The following DPP6 variants were observed in gnomAD, a reference collection of about 807,000 sequenced individuals.
DPP6 encodes the protein dipeptidyl peptidase like 6.
Under a neutral mutation model 122.6 loss-of-function variants are expected in DPP6, and 69 were observed. The ratio of observed to expected loss-of-function variants is 0.56; its 90% CI spans 0.46 to 0.69. The LOEUF (loss-of-function observed/expected upper bound fraction) is 0.69, where lower values mean the gene tolerates loss of function less well. DPP6 is among the 30% of genes least tolerant of loss of function. The pLI is 0.00. For missense variants in DPP6, 928 were observed against 1,116.9 expected, an observed-to-expected ratio of 0.83 and a Z score of 2.41; for synonymous variants, 418 against 433.1, an observed-to-expected ratio of 0.97 and a Z score of 0.43.
chr7:154,805,901 G>A (rs1195488444), intron 15 of DPP6, among the ~76,000 whole-genome samples: 2 of 152,230 alleles, frequency 1.3e-5, no homozygotes, highest in Non-Finnish European at 2.9e-5. Flanking sequence ...CCGCTGAAGA[G>A]GATGTTGTTC....
intron 5 of DPP6, among the ~76,000 whole-genome samples, chr7:154,637,474 T>A (rs1482455648): frequency 6.6e-6 from 1 of 152,166 alleles, no homozygotes; most frequent in Non-Finnish European, 1.5e-5. Flanking sequence ...ACCCGTTGGG[T>A]CTAGCTGACG....
chr7:153,817,519 A>G, the DPP6 span, among the ~76,000 whole-genome samples: 2 of 151,724 alleles, frequency 1.3e-5, no homozygotes, highest in African/African-American at 2.4e-5. Flanking sequence ...CACACAGAAA[A>G]GATAAAAGTC....
At chr7:154,787,724 C>T (rs776257568) in intron 10 of DPP6, among the ~76,000 whole-genome samples, 4 of 152,112 alleles carry the variant, frequency 2.6e-5, no homozygotes, top group South Asian at 2.1e-4. Flanking sequence ...AAAAAATGTA[C>T]AAATGAATAA....
intron 16 of DPP6, among the ~76,000 whole-genome samples, chr7:154,807,990 A>G (rs1004507169): frequency 5.9e-5 from 9 of 152,192 alleles, no homozygotes; most frequent in African/African-American, 2.2e-4. Flanking sequence ...TACAAAGGAT[A>G]TTTTTGCTGC....
At chr7:154,055,134 G>A (rs953056532) in intron 1 of DPP6, among the ~76,000 whole-genome samples, 1 of 146,314 alleles carries the variant, frequency 6.8e-6, no homozygotes, top group Non-Finnish European at 1.5e-5. Context: ...GTGTGGGTGG[G>A]CGTGTATTGT....
chr7:154,654,707 C>T (rs1000006423), intron 6 of DPP6, among the ~76,000 whole-genome samples: 46 of 152,058 alleles, frequency 3.0e-4, no homozygotes, highest in African/African-American at 9.9e-4. Flanking sequence ...CGTGAGCCAC[C>T]GTGCCCGGCC....
chr7:154,427,990 A>G (rs1017768430), intron 1 of DPP6, among the ~76,000 whole-genome samples: 34 of 152,232 alleles, frequency 2.2e-4, no homozygotes, highest in Admixed American at 7.9e-4. Flanking sequence ...AATCTAAATT[A>G]TCGTCATTTT....
chr7:154,650,668 G>A (rs868337571), intron 6 of DPP6, among the ~76,000 whole-genome samples: 18 of 152,152 alleles, frequency 1.2e-4, no homozygotes, highest in Admixed American at 2.0e-4. Flanking sequence ...ACAGCACAGC[G>A]TTACCAGGAT....
At chr7:154,572,058 C>T (rs921777668) in intron 5 of DPP6, among the ~76,000 whole-genome samples, 7 of 152,150 alleles carry the variant, frequency 4.6e-5, no homozygotes, top group African/African-American at 1.7e-4. Context: ...GCCCAAATGC[C>T]ATCCTTAGAG....
At chr7:154,785,684 A>T (rs1797295059) in intron 10 of DPP6, among the ~76,000 whole-genome samples, 1 of 151,890 alleles carries the variant, frequency 6.6e-6, no homozygotes, top group Admixed American at 6.6e-5. Flanking sequence ...TGGCATTTAC[A>T]CTCTGTCCTG....
At chr7:154,452,244 C>T (rs990602233) in intron 2 of DPP6, among the ~76,000 whole-genome samples, 8 of 152,186 alleles carry the variant, frequency 5.3e-5, no homozygotes, top group Non-Finnish European at 1.0e-4. Context: ...AAGGAGAATT[C>T]CACAGTAGTG....
chr7:154,229,469 CT>C (rs1319031894), intron 1 of DPP6, among the ~76,000 whole-genome samples: 6 of 152,116 alleles, frequency 3.9e-5, no homozygotes, highest in Admixed American at 3.9e-4. Flanking sequence ...ATTGAGATAG[CT>C]ATAGTGTTGG....
intron 6 of DPP6, among the ~76,000 whole-genome samples, chr7:154,660,790 G>A (rs879004116): frequency 4.5e-4 from 3 of 6,600 alleles, no homozygotes; most frequent in Admixed American, 1.4e-3. Flanking sequence ...TCACCATGGC[G>A]TATTGGCGCT....
chr7:153,967,447 T>G (rs1795805304), intron 1 of DPP6, among the ~76,000 whole-genome samples: 1 of 152,184 alleles, frequency 6.6e-6, no homozygotes, highest in Non-Finnish European at 1.5e-5. Flanking sequence ...GACAGCAGCT[T>G]GCAGTGCAGT....
chr7:154,694,988 G>T (rs1161374193), intron 7 of DPP6, among the ~76,000 whole-genome samples: 3 of 152,168 alleles, frequency 2.0e-5, no homozygotes, highest in Non-Finnish European at 4.4e-5. Flanking sequence ...TGCTATATGT[G>T]CCCAAAGATT....
chr7:154,047,550 T>C (rs2129060038), upstream of DPP6, among the ~76,000 whole-genome samples: 1 of 148,466 alleles, frequency 6.7e-6, no homozygotes, highest in Admixed American at 6.6e-5. Context: ...TACCCCATGC[T>C]CCAAAAACCT....
At chr7:153,968,291 A>G (rs1490874908) in intron 1 of DPP6, among the ~76,000 whole-genome samples, 1 of 151,220 alleles carries the variant, frequency 6.6e-6, no homozygotes, top group Non-Finnish European at 1.5e-5. Context: ...TTTGATTTGC[A>G]TTTCCCTGAT....
At chr7:154,537,841 G>C (rs1237161009) in intron 3 of DPP6, among the ~76,000 whole-genome samples, 2 of 152,068 alleles carry the variant, frequency 1.3e-5, no homozygotes, top group African/African-American at 4.8e-5. Flanking sequence ...AAGATGTAAA[G>C]AAGAATATTC....
intron 5 of DPP6, among the ~76,000 whole-genome samples, chr7:154,577,431 G>A (rs906676729): frequency 2.8e-4 from 43 of 152,294 alleles, no homozygotes; most frequent in Admixed American, 1.8e-3. Flanking sequence ...AGGGAACACC[G>A]TGGAAGTTTA....
Sources: gnomAD v4.1 joint callset for allele counts (sites outside exome capture counted in the v4.1 genomes callset) on GRCh38, gnomAD v4.1.1 for gene constraint, MANE v1.5 for transcripts, NCBI Gene and HGNC (gene_info 2026-07-23, HGNC 2026-07-21) for gene names.